The following GALNTL6 variants were observed in gnomAD, a reference collection of about 807,000 sequenced individuals.
GALNTL6 encodes the protein polypeptide N-acetylgalactosaminyltransferase like 6, also known as polypeptide N-acetylgalactosaminyltransferase-like 6.
Under a neutral mutation model 73.7 loss-of-function variants are expected in GALNTL6, and 46 were observed. The ratio of observed to expected loss-of-function variants is 0.62; its 90% CI spans 0.49 to 0.80. The LOEUF is 0.80. Among genes scored for constraint, GALNTL6 ranks in the 30% least tolerant of loss-of-function variants. The pLI is 0.00. For synonymous variants in GALNTL6, 259 were observed against 263.7 expected, an observed-to-expected ratio of 0.98 and a Z score of 0.17; for missense variants, 604 against 755.0, an observed-to-expected ratio of 0.80 and a Z score of 2.34.
chr4:171,929,613 A>T (rs2110993976), intron 2 of GALNTL6, among the ~76,000 whole-genome samples: 1 of 152,316 alleles, frequency 6.6e-6, no homozygotes, highest in East Asian at 1.9e-4. Flanking sequence ...TAGCCAGCCC[A>T]CTGTACGTGC....
At chr4:172,232,126 A>C (rs1737092451) in intron 3 of GALNTL6, among the ~76,000 whole-genome samples, 1 of 134,756 alleles carries the variant, frequency 7.4e-6, no homozygotes, top group Admixed American at 7.6e-5. Flanking sequence ...ACACACACTC[A>C]GGTACAGAGT....
intron 8 of GALNTL6, among the ~76,000 whole-genome samples, chr4:172,912,609 G>A (rs1168295591): frequency 1.3e-5 from 2 of 152,206 alleles, no homozygotes; most frequent in East Asian, 3.9e-4. Flanking sequence ...ACAGAGCCTT[G>A]CTCACTGCTA....
At chr4:172,709,912 G>A (rs558603552) in intron 5 of GALNTL6, among the ~76,000 whole-genome samples, 8 of 151,770 alleles carry the variant, frequency 5.3e-5, no homozygotes, top group Non-Finnish European at 7.4e-5. Flanking sequence ...TGATTGTACC[G>A]CATTGACAAG....
chr4:172,608,943 T>C (rs1560833563), intron 5 of GALNTL6, among the ~76,000 whole-genome samples: 1 of 152,024 alleles, frequency 6.6e-6, no homozygotes, highest in South Asian at 2.1e-4. Flanking sequence ...TGTTGGTGTA[T>C]AGAAATGCTA....
At chr4:172,807,111 C>T (rs922673098) in intron 5 of GALNTL6, among the ~76,000 whole-genome samples, 1 of 152,158 alleles carries the variant, frequency 6.6e-6, no homozygotes, top group African/African-American at 2.4e-5. Flanking sequence ...GTCTTACACA[C>T]AGGCAGTGTG....
chr4:172,443,323 G>A (rs754303860), intron 5 of GALNTL6, among the ~76,000 whole-genome samples: 11 of 150,700 alleles, frequency 7.3e-5, no homozygotes, highest in African/African-American at 2.7e-4. Flanking sequence ...GCCCCACTAT[G>A]CCCAGCTAAT....
At chr4:172,062,115 A>T (rs1240079003) in intron 2 of GALNTL6, among the ~76,000 whole-genome samples, 2 of 149,710 alleles carry the variant, frequency 1.3e-5, no homozygotes, top group Non-Finnish European at 3.0e-5. Context: ...ATGCCCAGCT[A>T]ATTTTTGTAT....
At chr4:172,343,854 A>G (rs1288404900) in intron 4 of GALNTL6, among the ~76,000 whole-genome samples, 2 of 152,084 alleles carry the variant, frequency 1.3e-5, no homozygotes, top group African/African-American at 4.8e-5. Context: ...TAAATAATTT[A>G]AACTATTTCT....
At chr4:172,835,008 T>C (rs994128250) in intron 7 of GALNTL6, among the ~76,000 whole-genome samples, 5 of 152,216 alleles carry the variant, frequency 3.3e-5, no homozygotes, top group African/African-American at 7.2e-5. Flanking sequence ...AATTCATCTA[T>C]ACCTAAGGTT....
intron 5 of GALNTL6, among the ~76,000 whole-genome samples, chr4:172,640,370 A>G (rs1739916326): frequency 6.6e-6 from 1 of 152,122 alleles, no homozygotes; most frequent in African/African-American, 2.4e-5. Flanking sequence ...GAAGTGTCCC[A>G]GGTTTTACTC....
At chr4:172,773,979 A>G (rs201162928) in intron 5 of GALNTL6, among the ~76,000 whole-genome samples, 5 of 35,766 alleles carry the variant, frequency 1.4e-4, no homozygotes, top group East Asian at 4.0e-3. Context: ...GACTTAAGGG[A>G]AAAAAAAAAG....
chr4:172,715,992 G>A (rs1258772488), intron 5 of GALNTL6, among the ~76,000 whole-genome samples: 1 of 152,178 alleles, frequency 6.6e-6, no homozygotes, highest in Non-Finnish European at 1.5e-5. Context: ...CAGATGCTGT[G>A]AATGGTAATG....
At chr4:172,076,151 G>A (rs954364216) in intron 2 of GALNTL6, among the ~76,000 whole-genome samples, 1 of 152,166 alleles carries the variant, frequency 6.6e-6, no homozygotes, top group Non-Finnish European at 1.5e-5. Flanking sequence ...GCCCAAGAAA[G>A]TCCTCATTAT....
At chr4:172,783,746 G>T (rs1739502132) in intron 5 of GALNTL6, among the ~76,000 whole-genome samples, 1 of 151,912 alleles carries the variant, frequency 6.6e-6, no homozygotes, top group Admixed American at 6.6e-5. Flanking sequence ...TAATCTGTTT[G>T]TTTAGCAGTG....
rs184715784 is a variant in GALNTL6, at chr4:172,022,460, A to G, written c.139-207196A>G. ...CCACATCCTGTCTTTTCCAAAAACT[A>G]TACCAGTGGCAATGACAAATGTGGC... is the stretch of plus-strand genomic sequence containing the variant. On this transcript the variant is annotated intron_variant, in intron 2 of 12. Coordinates refer to ENST00000506823, the MANE Select transcript of GALNTL6 (RefSeq NM_001034845.3). Among the ~76,000 whole-genome samples the G allele has an allele frequency of 1.4e-3, 213 of 152,160 alleles. 4 individuals carry two copies. The highest frequency in any genetic ancestry group is 0.011 in the Admixed American group (173 of 15,248).
At chr4:172,300,344 T>C (rs1347782239) in intron 3 of GALNTL6, among the ~76,000 whole-genome samples, 1 of 152,192 alleles carries the variant, frequency 6.6e-6, no homozygotes, top group African/African-American at 2.4e-5. Flanking sequence ...TCTGTGTCTT[T>C]TAATTGGAGG....
chr4:171,987,138 G>A (rs1210489909), intron 2 of GALNTL6, among the ~76,000 whole-genome samples: 3 of 152,206 alleles, frequency 2.0e-5, no homozygotes, highest in African/African-American at 7.2e-5. Context: ...GTACCCTGTA[G>A]CATTCTGAGG....
chr4:172,750,111 T>C (rs1421057948), intron 5 of GALNTL6, among the ~76,000 whole-genome samples: 2 of 152,208 alleles, frequency 1.3e-5, no homozygotes, highest in Non-Finnish European at 2.9e-5. Context: ...TTATATCTGC[T>C]ATAGGTCTTC....
At chr4:172,654,670 A>C (rs1167874077) in intron 5 of GALNTL6, among the ~76,000 whole-genome samples, 1 of 152,026 alleles carries the variant, frequency 6.6e-6, no homozygotes, top group Non-Finnish European at 1.5e-5. Context: ...CTGCTGTCTC[A>C]CTCTGCTGAT....
Sources: gnomAD v4.1 joint callset for allele counts (sites outside exome capture counted in the v4.1 genomes callset) on GRCh38, gnomAD v4.1.1 for gene constraint, MANE v1.5 for transcripts, NCBI Gene and HGNC (gene_info 2026-07-23, HGNC 2026-07-21) for gene names.